The following NR4A1 variants were observed in gnomAD, a reference collection of about 807,000 sequenced individuals.
The protein encoded by NR4A1 is nuclear receptor subfamily 4immunitygroup A member 1.
Under a neutral mutation model 47.5 loss-of-function variants are expected in NR4A1, and 24 were observed. The ratio of observed to expected loss-of-function variants is 0.50; its 90% confidence interval spans 0.37 to 0.71. NR4A1 has a LOEUF of 0.71. Among genes scored for constraint, NR4A1 ranks in the 30% least tolerant of loss-of-function variants. The pLI is 0.00. For synonymous variants in NR4A1, 353 were observed against 345.7 expected (o/e 1.02, Z -0.24); for missense variants, 669 against 788.6 (o/e 0.85, Z 1.82).
chr12:52,025,919 A>G (rs1356145350), intron 1 of NR4A1, among the ~76,000 whole-genome samples: 1 of 152,244 alleles, frequency 6.6e-6, no homozygotes, highest in African/African-American at 2.4e-5. Context: ...CTCTCCTCCC[A>G]TAATGTGGGC....
chr12:52,041,727 C>G (rs1938445857), intron 1 of NR4A1: 2 of 1,238,264 alleles, frequency 1.6e-6, no homozygotes, highest in East Asian at 6.2e-5. Flanking sequence ...TGCTCCCATT[C>G]CTGCGTGTCC....
intron 1 of NR4A1, among the ~76,000 whole-genome samples, chr12:52,040,581 G>A (rs1938396274): frequency 6.6e-6 from 1 of 152,178 alleles, no homozygotes; most frequent in African/African-American, 2.4e-5. Flanking sequence ...AGATGTTCCA[G>A]TCTGCCCTCC....
At chr12:52,049,541 C>T (rs563814502), upstream of NR4A1, among the ~76,000 whole-genome samples, 27 of 152,286 alleles carry the variant, frequency 1.8e-4, no homozygotes, top group East Asian at 4.6e-3. Flanking sequence ...TGCCTATAAT[C>T]CCAGCACTTT....
At chr12:52,023,207 G>A (rs1937920471) in intron 1 of NR4A1, among the ~76,000 whole-genome samples, 1 of 152,244 alleles carries the variant, frequency 6.6e-6, no homozygotes, top group African/African-American at 2.4e-5. Flanking sequence ...GAGGCTGCAG[G>A]CTGGCCTTCA....
At chr12:52,041,378 C>G (rs1938430622) in intron 1 of NR4A1, among the ~76,000 whole-genome samples, 1 of 152,112 alleles carries the variant, frequency 6.6e-6, no homozygotes, top group South Asian at 2.1e-4. Context: ...GAGCCCCTGT[C>G]TCTTGGGGGC....
chr12:52,050,306 G>A (rs375514051), upstream of NR4A1, among the ~76,000 whole-genome samples: 3 of 152,300 alleles, frequency 2.0e-5, no homozygotes, highest in Admixed American at 6.5e-5. Context: ...GCTGGAGGTA[G>A]GCTGGGAGGG....
At position 52,056,535 on chromosome 12, in the gene NR4A1, C is replaced by A; in HGVS notation, c.1048C>A (p.Pro350Thr). The A allele has an allele frequency of 6.2e-7, 1 of 1,613,580 alleles. No homozygotes were observed. Among genetic ancestry groups the A allele is most frequent in the Non-Finnish European group, 8.5e-7 (1 of 1,179,820 alleles). The change falls in exon 4 of 7, where the codon CCT becomes ACT. Residue 350 changes from proline (P) to threonine (T), a missense_variant. Transcript: ENST00000394825. The part of the protein sequence containing the change: ...DSLKGRRGRL[P>T]SKPKQPPDAS... ...CCTGAAGGGGCGGCGGGGCCGGCTA[C>A]CTTCAAAACCCAAGCAGCCCCCAGA...
rs139430017 is a variant in NR4A1, at chr12:52,059,197, G to A, written c.*253G>A. Reference sequence around the variant, plus strand: ...CTTTATGTTTTTTGTAAGATAAACCGTTTTTAACACATAGCGCCGTGCTGT... The same window carrying A: ...CTTTATGTTTTTTGTAAGATAAACCATTTTTAACACATAGCGCCGTGCTGT... On this transcript the variant is annotated 3_prime_UTR_variant, in exon 7 of 7. Coordinates refer to ENST00000394825, the MANE Select transcript of NR4A1 (RefSeq NM_173157.3). 2.1e-5 allele frequency: 11 copies of A among 535,728 alleles called. No homozygotes were observed. Among genetic ancestry groups the A allele is most frequent in the East Asian group, 1.6e-4 (5 of 31,138 alleles). 33.2% of individuals were successfully genotyped at this position (535,728 alleles called of 1,614,324 possible).
At position 52,055,011 on chromosome 12, in the gene NR4A1, C is replaced by T. The variant is rs150018506; in HGVS notation, c.683C>T (p.Thr228Met). ...GAGGGAGAGAGCTATTCCATGCCTACGGCCTTCCCAGGTTTGGCACCCACT... is the reference window on the plus strand; with the variant it reads ...GAGGGAGAGAGCTATTCCATGCCTATGGCCTTCCCAGGTTTGGCACCCACT... Reference protein sequence around the residue: ...LGEGESYSMPTAFPGLAPTSP... With the variant: ...LGEGESYSMPMAFPGLAPTSP... Residue 228 changes from threonine to methionine, a missense_variant, in exon 2 of 7, where the codon ACG becomes ATG. Transcript: ENST00000394825. 7.7e-5 allele frequency: 124 copies of T among 1,614,106 alleles called. No homozygotes were observed. The highest frequency in any genetic ancestry group is 9.3e-5 in the Non-Finnish European group (110 of 1,180,050).
intron 1 of NR4A1, among the ~76,000 whole-genome samples, chr12:52,041,405 G>C: frequency 6.6e-6 from 1 of 152,090 alleles, no homozygotes; most frequent in African/African-American, 2.4e-5. Flanking sequence ...GGCTTTAGGG[G>C]CCAAACTGGA....
At position 52,054,212 on chromosome 12, in the gene NR4A1, T is replaced by G. The variant is rs576356571; in HGVS notation, c.-2-115T>G. 6.7e-6 allele frequency: 6 copies of G among 889,562 alleles called. No homozygotes were observed. In the African/African-American group the frequency reaches 1.0e-4, roughly 15 times the overall value. 55.1% of individuals were successfully genotyped at this position (889,562 alleles called of 1,614,324 possible). A position where few individuals can be genotyped will look rare whatever the true frequency, so the allele number is the denominator to read the frequency against. ...CTGGTCCCGGTGCCTCTGTCTCATC[T>G]TTAGGCTGGGATTCCTGCCACCTTG... is the stretch of plus-strand genomic sequence containing the variant. On this transcript the variant is annotated intron_variant, in intron 1 of 6. Transcript: ENST00000394825.
chr12:52,056,205 TG>T, intron 3 of NR4A1, 46 bp downstream of exon 3: 2 of 1,543,780 alleles, frequency 1.3e-6, no homozygotes, highest in Non-Finnish European at 1.7e-6. Context: ...TAGGCTTGAG[TG>T]GAGTGGGACC....
At chr12:52,025,037 C>T (rs1769140594) in intron 1 of NR4A1, among the ~76,000 whole-genome samples, 1 of 151,638 alleles carries the variant, frequency 6.6e-6, no homozygotes, top group Middle Eastern at 3.4e-3. Flanking sequence ...TGGAGGCCTC[C>T]GCCTCTCGGA....
chr12:52,043,522 A>G (rs1175208058), intron 2 of NR4A1: 4 of 353,916 alleles, frequency 1.1e-5, no homozygotes, highest in African/African-American at 8.6e-5. Flanking sequence ...TGACGTGGGC[A>G]CCTGTCTGCC....
chr12:52,037,493 A>T (rs529636840), intron 1 of NR4A1: 3 of 981,470 alleles, frequency 3.1e-6, no homozygotes, highest in Non-Finnish European at 1.2e-6. Context: ...AGGCCGGGCA[A>T]TCTCGGGTCT....
At chr12:52,048,647 G>A (rs1938776041), upstream of NR4A1, among the ~76,000 whole-genome samples, 1 of 152,070 alleles carries the variant, frequency 6.6e-6, no homozygotes, top group Admixed American at 6.5e-5. Context: ...GGTGGAGGGA[G>A]ACATCCTGGG....
At chr12:52,034,689 A>G (rs918091280) in intron 1 of NR4A1, among the ~76,000 whole-genome samples, 1 of 152,216 alleles carries the variant, frequency 6.6e-6, no homozygotes, top group Non-Finnish European at 1.5e-5. Flanking sequence ...TCAGGGAGAC[A>G]ACAACAGGGC....
chr12:52,059,097 A>C lies in NR4A1; in HGVS notation c.*153A>C. On this transcript the variant is annotated 3_prime_UTR_variant, in exon 7 of 7. Transcript: ENST00000394825. ...GCTCCAGGAGGTTTGCAGGGAGCTC[A>C]AGCCCTTGGGGAGGGGGATGCCTTC... 2 of 1,011,848 alleles carry C rather than the reference A, an allele frequency of 2.0e-6. No individual in the cohort carries two copies. The highest frequency in any genetic ancestry group is 1.4e-6 in the Non-Finnish European group (1 of 712,904). 62.7% of individuals were successfully genotyped at this position (1,011,848 alleles called of 1,614,324 possible). A position where few individuals can be genotyped will look rare whatever the true frequency, so the allele number is the denominator to read the frequency against.
At chr12:52,041,944 A>C in intron 2 of NR4A1, 1 of 1,363,588 alleles carries the variant, frequency 7.3e-7, no homozygotes, top group Non-Finnish European at 9.5e-7. Context: ...GTGCTCTGCT[A>C]TTGTCCTTTG....
Sources: allele counts gnomAD v4.1 joint callset (sites outside exome capture counted in the v4.1 genomes callset), GRCh38; gene constraint gnomAD v4.1.1; transcripts MANE v1.5; gene names NCBI Gene and HGNC (gene_info 2026-07-23, HGNC 2026-07-21).